Variants in THAP3 observed in about 807,000 individuals in gnomAD.
THAP3 encodes THAP domain-containing protein 3.
Under a neutral mutation model 17.7 loss-of-function variants are expected in THAP3, and 12 were observed. The ratio of observed to expected loss-of-function variants is 0.68; its 90% CI spans 0.43 to 1.10. The LOEUF is 1.10. Among genes scored for constraint, THAP3 ranks in the 50% least tolerant of loss-of-function variants. The pLI is 0.00. For synonymous variants in THAP3, 133 were observed against 126.9 expected (o/e 1.05, Z -0.32); for missense variants, 289 against 318.0 (o/e 0.91, Z 0.69).
chr1:6,630,316 G>T lies in THAP3; in HGVS notation c.296G>T (p.Ser99Ile). Residue 99 changes from serine (S) to isoleucine (I), a missense_variant, in exon 4 of 6, where the codon AGT (serine) becomes ATT (isoleucine). Physicochemically the swap from Ser to Ile is moderately radical, Grantham distance 142. Coordinates refer to ENST00000054650, the MANE Select transcript of THAP3 (RefSeq NM_001195753.2). ...QQVRENTDPA[S>I]ERGNASSSQK... ...GTGAGGGAGAACACAGACCCTGCCA[G>T]TGAGAGAGGAAATGCCAGCTCTTCT... The T allele has an allele frequency of 6.2e-7, 1 of 1,614,202 alleles. No individual in the cohort carries two copies. Among genetic ancestry groups the T allele is most frequent in the Non-Finnish European group, 8.5e-7 (1 of 1,180,034 alleles).
chr1:6,626,370 C>G (rs1468829794), intron 2 of THAP3, among the ~76,000 whole-genome samples: 2 of 151,862 alleles, frequency 1.3e-5, no homozygotes, highest in Non-Finnish European at 2.9e-5. Context: ...CCTCCCAGGC[C>G]CTCCTCCTCT....
At chr1:6,634,899 C>G, downstream of THAP3, 1 of 1,186,396 alleles carries the variant, frequency 8.4e-7, no homozygotes, top group Middle Eastern at 3.9e-4. Flanking sequence ...GCACTGCACT[C>G]TGGAGGTGGG....
rs561949515 is a variant in THAP3, at chr1:6,633,248, C to T, written c.*171C>T. The T allele has an allele frequency of 3.5e-5, 50 of 1,439,912 alleles. No individual in the cohort carries two copies. Among genetic ancestry groups the T allele is most frequent in the East Asian group, 2.7e-4 (11 of 40,150 alleles). The allele number at this position is 1,439,912 out of a possible 1,614,324, so 89.2% of individuals were successfully genotyped here. On this transcript the variant is annotated 3_prime_UTR_variant, in exon 6 of 6. Transcript: ENST00000054650. Reference sequence around the variant, plus strand: ...AGCTCCCCGGCGAGAGCCCCAATGCCGTCTGGGGGACGTTTAGAGGCGTGG... The same window carrying T: ...AGCTCCCCGGCGAGAGCCCCAATGCTGTCTGGGGGACGTTTAGAGGCGTGG...
chr1:6,633,309 A>T lies in THAP3; in HGVS notation c.*232A>T. The T allele has an allele frequency of 7.1e-7, 1 of 1,407,936 alleles. No individual in the cohort carries two copies. Among genetic ancestry groups the T allele is most frequent in the Non-Finnish European group, 9.2e-7 (1 of 1,083,572 alleles). The allele number at this position is 1,407,936 out of a possible 1,614,324, so 87.2% of individuals were successfully genotyped here. ...GCACATCTGTGAGCATGACAAGCTTATCCTCCCATGGTAACAGAAGTCCAG... is the reference window on the plus strand; with the variant it reads ...GCACATCTGTGAGCATGACAAGCTTTTCCTCCCATGGTAACAGAAGTCCAG... On this transcript the variant is annotated 3_prime_UTR_variant, in exon 6 of 6. Transcript: ENST00000054650.
At chr1:6,631,381 A>C (rs999542838) in intron 4 of THAP3, among the ~76,000 whole-genome samples, 3 of 152,078 alleles carry the variant, frequency 2.0e-5, no homozygotes, top group African/African-American at 7.2e-5. Flanking sequence ...TAATCCCAGC[A>C]GTTTGGGAGG....
chr1:6,632,243 G>A, intron 4 of THAP3, 148 bp from the exon 5 acceptor site: 1 of 1,002,946 alleles, frequency 1.0e-6, no homozygotes. Context: ...GTTCCAGGGT[G>A]TGTGCTAGGG....
chr1:6,634,529 GCCACCAC>G (rs754796616), downstream of THAP3: 1 of 1,362,398 alleles, frequency 7.3e-7, no homozygotes, highest in Non-Finnish European at 9.8e-7. Flanking sequence ...AGCTGTCTCA[GCCACCAC>G]CTGTGCGGCG....
chr1:6,626,693 A>G (rs528001842), intron 2 of THAP3, among the ~76,000 whole-genome samples: 7 of 152,246 alleles, frequency 4.6e-5, no homozygotes, highest in South Asian at 2.1e-4. Flanking sequence ...TACAAATACA[A>G]AAATTACCCG....
chr1:6,632,174 C>T (rs1214136355), intron 4 of THAP3, among the ~76,000 whole-genome samples: 1 of 151,952 alleles, frequency 6.6e-6, no homozygotes, highest in Non-Finnish European at 1.5e-5. Flanking sequence ...CGAGATTGCA[C>T]CACTGCACTC....
intron 2 of THAP3, among the ~76,000 whole-genome samples, chr1:6,627,047 T>G (rs764339123): frequency 3.3e-5 from 5 of 152,206 alleles, no homozygotes. Context: ...TTGCATAGCA[T>G]TTCACACAAC....
Position 6,625,175 on chromosome 1 carries a change from C to G in THAP3, c.-44C>G. ...GTCCCTCCCCTCTCCGCAGGCCCCG[C>G]CGCCGCCGCCATCTTTGTTGGGGGC... On this transcript the variant is annotated 5_prime_UTR_variant, in exon 2 of 6. Coordinates refer to ENST00000054650, the MANE Select transcript of THAP3 (RefSeq NM_001195753.2). The G allele has an allele frequency of 1.3e-6, 2 of 1,525,896 alleles. No individual in the cohort carries two copies. The highest frequency in any genetic ancestry group is 1.8e-6 in the Non-Finnish European group (2 of 1,140,448). The allele number at this position is 1,525,896 out of a possible 1,614,324, so 94.5% of individuals were successfully genotyped here.
chr1:6,635,458 GCAGTCTGGTTCC>G, downstream of THAP3: 1 of 542,484 alleles, frequency 1.8e-6, no homozygotes, highest in South Asian at 2.5e-5. Flanking sequence ...GGGCCAGGCT[GCAGTCTGGTTCC>G]CAGTGGGGCT....
In THAP3 at chr1:6,633,464, C is replaced by T. The variant is rs1452771135; in HGVS notation, c.*387C>T. ...GCTGGCTCTGTGGCGGGTGAGTGGT[C>T]CCCTCCTCCATCAGCCTGGACAGCC... On this transcript the variant is annotated 3_prime_UTR_variant, in exon 6 of 6. Transcript: ENST00000054650. 1 of 1,144,916 alleles carries T rather than the reference C, an allele frequency of 8.7e-7. No individual in the cohort carries two copies. Among genetic ancestry groups the T allele is most frequent in the African/African-American group, 1.6e-5 (1 of 62,694 alleles). The allele number at this position is 1,144,916 out of a possible 1,614,324, so 70.9% of individuals were successfully genotyped here. A position where few individuals can be genotyped will look rare whatever the true frequency, so the allele number is the denominator to read the frequency against.
Position 6,625,132 on chromosome 1 carries a change from C to CCCCGCCCCTCCCCGCAGGT in THAP3, c.-69-14_-65dup, listed in dbSNP as rs1355204644. The stretch of plus-strand genomic sequence containing the variant: ...CAGGCCCGTCACCACCTCCCAGCGG[C>CCCCGCCCCTCCCCGCAGGT]CCCGCCCCTCCCCGCAGGTCCCTCC... On this transcript the variant is annotated splice_polypyrimidine_tract_variant and intron_variant, in intron 1 of 5. Coordinates refer to ENST00000054650, the MANE Select transcript of THAP3 (RefSeq NM_001195753.2). The CCCCGCCCCTCCCCGCAGGT allele has an allele frequency of 1.6e-4, 220 of 1,405,158 alleles. No homozygotes were observed. The African/African-American group carries it at 3.0e-3, about 19-fold the overall frequency. The allele number at this position is 1,405,158 out of a possible 1,614,324, so 87.0% of individuals were successfully genotyped here. A position where few individuals can be genotyped will look rare whatever the true frequency, so the allele number is the denominator to read the frequency against.
In THAP3 at chr1:6,625,234, G is replaced by A. The variant is rs369274159; in HGVS notation, c.16G>A (p.Ala6Thr). The A allele has an allele frequency of 1.2e-5, 18 of 1,543,960 alleles. No individual in the cohort carries two copies. Among genetic ancestry groups the A allele is most frequent in the South Asian group, 8.4e-5 (7 of 83,558 alleles). ...CTGGCTCGAGATGCCGAAGTCGTGC[G>A]CGGCCCGGCAGTGCTGCAACCGCTA... MPKSC[A>T]ARQCCNRYSS... Residue 6 changes from alanine to threonine, a missense_variant, in exon 2 of 6, where the codon GCG (alanine) becomes ACG (threonine). Physicochemically the swap from Ala to Thr is moderately conservative, Grantham distance 58. Coordinates refer to ENST00000054650, the MANE Select transcript of THAP3 (RefSeq NM_001195753.2).
intron 3 of THAP3, 26 bp downstream of exon 3, chr1:6,628,717 T>G (rs762160941): frequency 1.2e-6 from 2 of 1,600,282 alleles, no homozygotes; most frequent in Admixed American, 3.4e-5. Context: ...ACCTTCCGTC[T>G]GGTCACATCC....
intron 1 of THAP3, 86 bp from the exon 2 acceptor site, chr1:6,625,064 C>G: frequency 1.2e-6 from 1 of 806,386 alleles, no homozygotes; most frequent in Non-Finnish European, 1.9e-6. Flanking sequence ...TGGGGAGACG[C>G]GGGTGGCTGG....
At position 6,628,189 on chromosome 1, in the gene THAP3, C is replaced by G. The variant is rs1195389368; in HGVS notation, c.75-310C>G. ...GAATATCAGCTCTTGGGGGCCAGGA[C>G]TGTCTCATTACCCCCCATCCCTAGC... On this transcript the variant is annotated intron_variant, in intron 2 of 5. Coordinates refer to ENST00000054650, the MANE Select transcript of THAP3 (RefSeq NM_001195753.2). 9.1e-6 allele frequency: 3 copies of G among 330,436 alleles called. No individual in the cohort carries two copies. The East Asian group carries it at 2.1e-4, about 24-fold the overall frequency. The allele number at this position is 330,436 out of a possible 1,614,324, so 20.5% of individuals were successfully genotyped here.
intron 4 of THAP3, 69 bp from the exon 5 acceptor site, chr1:6,632,322 C>A: frequency 6.3e-7 from 1 of 1,594,784 alleles, no homozygotes; most frequent in Admixed American, 1.7e-5. Flanking sequence ...CCTAGAGGGA[C>A]AAGTAGCAGC....
Sources: allele counts gnomAD v4.1 joint callset (sites outside exome capture counted in the v4.1 genomes callset), GRCh38; gene constraint gnomAD v4.1.1; transcripts MANE v1.5; gene names NCBI Gene and HGNC (gene_info 2026-07-23, HGNC 2026-07-21).